G3BP1: variants seen among roughly 807,000 people sequenced by gnomAD.
G3BP1 encodes the protein G3BP stress granule assembly factor 1.
G3BP1 carries 35 observed loss-of-function variants against 58.6 expected under a neutral mutation model. The ratio of observed to expected loss-of-function variants is 0.60; its 90% CI spans 0.46 to 0.79. The LOEUF (loss-of-function observed/expected upper bound fraction) is 0.79. Ranked by LOEUF, G3BP1 falls within the 30% of genes least tolerant of loss-of-function variation. The pLI is 0.00. For synonymous variants in G3BP1, 191 were observed against 195.4 expected (o/e 0.98, Z 0.19); for missense variants, 523 against 580.8 (o/e 0.90, Z 1.02).
chr5:151,797,228 A>T lies in G3BP1; in HGVS notation c.541A>T (p.Asn181Tyr). 6.2e-7 allele frequency: 1 copy of T among 1,613,218 alleles called. No homozygotes were observed. The highest frequency in any genetic ancestry group is 8.5e-7 in the Non-Finnish European group (1 of 1,179,330). Residue 181 changes from asparagine (N) to tyrosine (Y), a missense_variant and splice_region_variant, in exon 7 of 12, where the codon AAT (asparagine) becomes TAT (tyrosine). Physicochemically the swap from Asn to Tyr is moderately radical, Grantham distance 143. Around this residue, in one of 2 missense-constraint regions of G3BP1, gnomAD observed 398 missense variants for 399.1 expected, o/e 1.00. Coordinates refer to ENST00000356245, the MANE Select transcript of G3BP1 (RefSeq NM_005754.3). ...ATTTCTCAAATTTTCCTGTCAAAGTAATGACATGGAAGAACATTTAGAGGA... is the reference window on the plus strand; with the variant it reads ...ATTTCTCAAATTTTCCTGTCAAAGTTATGACATGGAAGAACATTTAGAGGA... ...GTFYDQAVVS[N>Y]DMEEHLEEPV... is the part of the protein sequence containing the mutation.
At chr5:151,786,813 T>A (rs1368812711) in intron 2 of G3BP1, 98 bp downstream of exon 2, 3 of 773,826 alleles carry the variant, frequency 3.9e-6, no homozygotes, top group Non-Finnish European at 6.8e-6. Context: ...TTTGTAGGGT[T>A]GTTGCATAAT....
intron 5 of G3BP1, among the ~76,000 whole-genome samples, chr5:151,794,913 A>C (rs1232951470): frequency 6.6e-6 from 1 of 152,226 alleles, no homozygotes; most frequent in East Asian, 1.9e-4. Context: ...AATGTCACGT[A>C]GCCAGTAAGG....
At chr5:151,801,343 TACTA>T (rs879532322) in intron 11 of G3BP1, among the ~76,000 whole-genome samples, 2 of 152,252 alleles carry the variant, frequency 1.3e-5, no homozygotes, top group African/African-American at 4.8e-5. Context: ...GAACCATCCT[TACTA>T]ACAGTACTCT....
At chr5:151,798,178 CTT>C (rs996750220) in intron 7 of G3BP1, among the ~76,000 whole-genome samples, 34 of 152,300 alleles carry the variant, frequency 2.2e-4, no homozygotes, top group African/African-American at 6.7e-4. Context: ...GTTGAAATGA[CTT>C]TAGCTTGCAA....
rs766442204 is a variant in G3BP1 at position 151,799,881 on chromosome 5, T to C, written c.844-8T>C. ...TTTTAACACAAAAGTTAACTTAAAA[T>C]TTTTCAGCCCCGTCCAGAGTCTAAG... On this transcript the variant is annotated splice_polypyrimidine_tract_variant and splice_region_variant and intron_variant, in intron 8 of 11. Transcript: ENST00000356245. 6.4e-7 allele frequency: 1 copy of C among 1,558,440 alleles called. No homozygotes were observed. Among genetic ancestry groups the C allele is most frequent in the Non-Finnish European group, 8.8e-7 (1 of 1,137,424 alleles).
intron 10 of G3BP1, 48 bp from the exon 11 acceptor site, chr5:151,800,712 T>G: frequency 8.8e-7 from 1 of 1,132,580 alleles, no homozygotes; most frequent in Non-Finnish European, 1.4e-6. Context: ...ATGTAATGTT[T>G]AAAGATAATG....
rs182388772 is a variant in G3BP1, at chr5:151,807,043, A to T, written c.*2952A>T. The T allele has an allele frequency of 6.6e-6, 1 of 152,100 alleles. No individual in the cohort carries two copies. Among genetic ancestry groups the T allele is most frequent in the Non-Finnish European group, 1.5e-5 (1 of 68,030 alleles). The allele number at this position is 152,100 out of a possible 1,614,324, so 9.4% of individuals were successfully genotyped here. A position where few individuals can be genotyped will look rare whatever the true frequency, so the allele number is the denominator to read the frequency against. On this transcript the variant is annotated 3_prime_UTR_variant, in exon 12 of 12. Transcript: ENST00000356245. ...AAACTGTATTTTTGTTTTAGTGGTG[A>T]GGTTGGGTTTTACTTTGTGTATTCC...
At chr5:151,792,873 C>A (rs759746203) in intron 4 of G3BP1, among the ~76,000 whole-genome samples, 1 of 152,196 alleles carries the variant, frequency 6.6e-6, no homozygotes, top group Non-Finnish European at 1.5e-5. Context: ...CCTCAGCTCT[C>A]CAAAGTGTTG....
intron 1 of G3BP1, among the ~76,000 whole-genome samples, chr5:151,778,546 A>G (rs1762413170): frequency 6.6e-6 from 1 of 151,892 alleles, no homozygotes; most frequent in African/African-American, 2.4e-5. Context: ...GGTTTAGGTG[A>G]TTCTCCTGTC....
chr5:151,794,484 T>C (rs1485352191), intron 5 of G3BP1, among the ~76,000 whole-genome samples: 1 of 152,218 alleles, frequency 6.6e-6, no homozygotes, highest in Non-Finnish European at 1.5e-5. Flanking sequence ...GGAGACAGGC[T>C]AACTCACAGC....
At chr5:151,780,158 C>T (rs978126957) in intron 1 of G3BP1, among the ~76,000 whole-genome samples, 5 of 152,150 alleles carry the variant, frequency 3.3e-5, no homozygotes, top group Non-Finnish European at 7.4e-5. Flanking sequence ...AAGGTATCTC[C>T]TGTGAGAAGT....
intron 4 of G3BP1, 147 bp downstream of exon 4, chr5:151,791,209 C>T: frequency 1.6e-6 from 1 of 644,500 alleles, no homozygotes; most frequent in Non-Finnish European, 2.8e-6. Context: ...TACTCCTTAC[C>T]TAGAGCAGCT....
intron 1 of G3BP1, among the ~76,000 whole-genome samples, chr5:151,779,329 G>A (rs943240267): frequency 1.3e-5 from 2 of 152,092 alleles, no homozygotes; most frequent in Admixed American, 6.6e-5. Context: ...AATTTTGTAT[G>A]TGGTGTGAGA....
chr5:151,801,823 T>A (rs568198376), intron 11 of G3BP1, among the ~76,000 whole-genome samples: 63 of 151,996 alleles, frequency 4.1e-4, no homozygotes, highest in Non-Finnish European at 7.6e-4. Flanking sequence ...TTTTTTATTT[T>A]TTTTTTTTTG....
Position 151,797,282 on chromosome 5 carries a change from G to C in G3BP1, c.595G>C (p.Glu199Gln), listed in dbSNP as rs1454386998. 1 of 1,612,680 alleles carries C rather than the reference G, an allele frequency of 6.2e-7. No individual in the cohort carries two copies. Among genetic ancestry groups the C allele is most frequent in the African/African-American group, 1.3e-5 (1 of 74,880 alleles). Residue 199 changes from glutamate to glutamine, a missense_variant, in exon 7 of 12, where the codon GAA (glutamate) becomes CAA (glutamine). Transcript: ENST00000356245. ...EPVAEPEPDP[E>Q]PEPEQEPVSE... ...TGTTGCTGAACCAGAGCCTGATCCT[G>C]AACCAGAACCAGAACAAGAACCTGT...
At chr5:151,789,064 C>T (rs557006550) in intron 2 of G3BP1, among the ~76,000 whole-genome samples, 5 of 152,246 alleles carry the variant, frequency 3.3e-5, no homozygotes, top group Non-Finnish European at 7.4e-5. Flanking sequence ...CGTGAGCCAC[C>T]GTGCCCAGCC....
rs1009554180 is a variant in G3BP1, at chr5:151,809,904, T to C, written c.*5813T>C. 6.6e-6 allele frequency: 1 copy of C among 152,254 alleles called. No individual in the cohort carries two copies. The highest frequency in any genetic ancestry group is 1.5e-5 in the Non-Finnish European group (1 of 68,046). 9.4% of individuals were successfully genotyped at this position (152,254 alleles called of 1,614,324 possible). On this transcript the variant is annotated 3_prime_UTR_variant, in exon 12 of 12. Coordinates refer to ENST00000356245, the MANE Select transcript of G3BP1 (RefSeq NM_005754.3). ...GGGCTTGTTGTCTAAGGACATTAACTTGTGCTCCCCTCAGGGATGGGTTTA... is the reference window on the plus strand; with the variant it reads ...GGGCTTGTTGTCTAAGGACATTAACCTGTGCTCCCCTCAGGGATGGGTTTA...
At chr5:151,776,327 T>TC (rs983499174) in intron 1 of G3BP1, among the ~76,000 whole-genome samples, 58 of 152,280 alleles carry the variant, frequency 3.8e-4, no homozygotes, top group East Asian at 9.6e-4. Context: ...AGTGTTTTTT[T>TC]CCCCTTTAGA....
chr5:151,800,774 G>A lies in G3BP1; in HGVS notation c.1099G>A (p.Val367Met). ...TTCACTTGCAGGTTATGGAAACGTG[G>A]TGGAGTTGCGCATTAACAGTGGTGG... Reference protein sequence around the residue: ...KDFFQSYGNVVELRINSGGKL... With the variant: ...KDFFQSYGNVMELRINSGGKL... The change falls in exon 11 of 12, where the codon GTG (valine) becomes ATG (methionine). Residue 367 changes from valine (V) to methionine (M), a missense_variant. Coordinates refer to ENST00000356245, the MANE Select transcript of G3BP1 (RefSeq NM_005754.3). 2 of 1,607,358 alleles carry A rather than the reference G, an allele frequency of 1.2e-6. No individual in the cohort carries two copies. The highest frequency in any genetic ancestry group is 1.7e-6 in the Non-Finnish European group (2 of 1,173,852).
Sources: allele counts gnomAD v4.1 joint callset (sites outside exome capture counted in the v4.1 genomes callset), GRCh38; gene constraint gnomAD v4.1.1; regional missense constraint gnomAD v4.1.1; transcripts MANE v1.5; gene names NCBI Gene and HGNC (gene_info 2026-07-23, HGNC 2026-07-21).